The following TMEM74 variants were observed in gnomAD, a reference collection of about 807,000 sequenced individuals.
TMEM74 encodes transmembrane protein 74.
A neutral mutation model predicts 18.1 loss-of-function variants in TMEM74; 13 were observed. The observed-to-expected ratio is 0.72, with a 90% CI of 0.47 to 1.14. The LOEUF (loss-of-function observed/expected upper bound fraction) is 1.14, where lower values mean the gene tolerates loss of function less well. TMEM74 is among the 50% of genes most tolerant of loss of function. The pLI, the probability that TMEM74 is intolerant of heterozygous loss-of-function variation, is 0.00. For missense variants in TMEM74, 372 were observed against 375.9 expected (o/e 0.99, Z 0.09); for synonymous variants, 159 against 146.6 (o/e 1.08, Z -0.61).
chr8:108,640,263 G>A (rs3019394), intron 2 of TMEM74, among the ~76,000 whole-genome samples: 33,067 of 151,154 alleles, frequency 0.22, 3,641 homozygotes, highest in East Asian at 0.28. Context: ...CTCCTGAGTA[G>A]CTGGGATTAC....
intron 1 of TMEM74, among the ~76,000 whole-genome samples, chr8:108,695,699 G>A (rs565557018): frequency 4.6e-5 from 7 of 152,206 alleles, no homozygotes; most frequent in South Asian, 2.1e-4. Context: ...TTTGTGTATA[G>A]TGAAGTTTTC....
At chr8:108,684,780 T>C (rs1005344250) in intron 1 of TMEM74, among the ~76,000 whole-genome samples, 1 of 151,772 alleles carries the variant, frequency 6.6e-6, no homozygotes. Flanking sequence ...CGGGGGGTTC[T>C]AAATTCATTC....
chr8:108,716,380 A>G (rs1813523113), intron 1 of TMEM74, among the ~76,000 whole-genome samples: 1 of 152,096 alleles, frequency 6.6e-6, no homozygotes, highest in Admixed American at 6.5e-5. Context: ...CTCTTTCATC[A>G]CCTACAAAAG....
chr8:108,770,548 T>C (rs1814159991), intron 1 of TMEM74, among the ~76,000 whole-genome samples: 1 of 152,142 alleles, frequency 6.6e-6, no homozygotes, highest in South Asian at 2.1e-4. Context: ...AAATTATTCA[T>C]GGTAGCTATT....
downstream of TMEM74, among the ~76,000 whole-genome samples, chr8:108,774,927 C>G (rs1316774505): frequency 6.6e-6 from 1 of 151,932 alleles, no homozygotes; most frequent in Non-Finnish European, 1.5e-5. Context: ...CACAAAGACT[C>G]AACTCCCAAG....
At chr8:108,746,252 T>C (rs1813847474) in intron 1 of TMEM74, among the ~76,000 whole-genome samples, 1 of 152,128 alleles carries the variant, frequency 6.6e-6, no homozygotes, top group African/African-American at 2.4e-5. Context: ...GCATTTCCCA[T>C]CCAGAGAGAT....
intron 1 of TMEM74, among the ~76,000 whole-genome samples, chr8:108,742,976 A>G (rs975818009): frequency 6.6e-6 from 1 of 152,222 alleles, no homozygotes; most frequent in Non-Finnish European, 1.5e-5. Context: ...AAACAACTTG[A>G]AGACGATTTT....
chr8:108,608,556 A>G (rs1380334899), intron 3 of TMEM74, among the ~76,000 whole-genome samples: 1 of 152,212 alleles, frequency 6.6e-6, no homozygotes, highest in Non-Finnish European at 1.5e-5. Context: ...GTTTCTATGC[A>G]AATAGAATTG....
intron 1 of TMEM74, among the ~76,000 whole-genome samples, chr8:108,726,757 G>A (rs1813642786): frequency 1.3e-5 from 2 of 151,892 alleles, no homozygotes; most frequent in Non-Finnish European, 2.9e-5. Flanking sequence ...ATAGACAAAC[G>A]ACCATGTCCT....
At chr8:108,756,606 G>A (rs1563543633) in intron 1 of TMEM74, among the ~76,000 whole-genome samples, 4 of 60,258 alleles carry the variant, frequency 6.6e-5, no homozygotes, top group African/African-American at 3.6e-4. Context: ...GAGAAAGGAA[G>A]GAAGGAAGGA....
intron 1 of TMEM74, among the ~76,000 whole-genome samples, chr8:108,697,952 C>CACCCTTTA (rs1813296920): frequency 2.0e-5 from 3 of 152,136 alleles, no homozygotes; most frequent in Non-Finnish European, 4.4e-5. Flanking sequence ...CTCAAGATGA[C>CACCCTTTA]CTACTACTGA....
chr8:108,686,369 T>A (rs982249279), intron 1 of TMEM74, among the ~76,000 whole-genome samples: 1 of 151,980 alleles, frequency 6.6e-6, no homozygotes, highest in East Asian at 1.9e-4. Context: ...CGGCTAATTT[T>A]TTTTTTGTAT....
rs866864484 is a variant in TMEM74, at chr8:108,716,266, T to C, written n.120-60829A>G. Among the ~76,000 whole-genome samples, 9 of 152,118 alleles carry C rather than the reference T, an allele frequency of 5.9e-5. No individual in the cohort carries two copies. In the South Asian group the frequency reaches 1.9e-3, roughly 31 times the overall value. On this transcript the variant is annotated intron_variant and non_coding_transcript_variant, in intron 1 of 3. Coordinates refer to the TMEM74 transcript ENST00000518838. ...TCAAAATATGCAATATGTTCCATGA[T>C]GTAAAAAGTTACATAGGATATATTC...
chr8:108,618,135 G>A (rs954672322), intron 2 of TMEM74, among the ~76,000 whole-genome samples: 1 of 152,110 alleles, frequency 6.6e-6, no homozygotes, highest in Non-Finnish European at 1.5e-5. Flanking sequence ...GCAACTTAAA[G>A]CCTTTTATGC....
At chr8:108,736,718 C>G (rs1191942142) in intron 1 of TMEM74, among the ~76,000 whole-genome samples, 1 of 152,064 alleles carries the variant, frequency 6.6e-6, no homozygotes, top group Non-Finnish European at 1.5e-5. Context: ...ATTAAATAAT[C>G]TTGGAATTTT....
chr8:108,777,814 G>C (rs943322867), downstream of TMEM74, among the ~76,000 whole-genome samples: 49 of 152,128 alleles, frequency 3.2e-4, 1 homozygote, highest in Non-Finnish European at 4.4e-5. Context: ...GATGCTGTGA[G>C]AATTAAATGA....
rs1332328777 is a variant in TMEM74 at position 108,751,220 on chromosome 8, G to T, written n.119+36256C>A. On this transcript the variant is annotated intron_variant and non_coding_transcript_variant, in intron 1 of 3. Coordinates refer to the TMEM74 transcript ENST00000518838. ...TTTGCACAACCTCCCCAACAAAAAA[G>T]ATTCTTTCGGGTTAAAATATTTTGG... 2.6e-5 allele frequency among the ~76,000 whole-genome samples: 4 copies of T among 152,078 alleles called. No individual in the cohort carries two copies. In the East Asian group the frequency reaches 7.7e-4, roughly 29 times the overall value.
At chr8:108,671,672 A>T (rs1401793446) in intron 1 of TMEM74, among the ~76,000 whole-genome samples, 1 of 152,130 alleles carries the variant, frequency 6.6e-6, no homozygotes, top group Non-Finnish European at 1.5e-5. Context: ...GAAGTATGTA[A>T]TTGGTATTTC....
Position 108,711,718 on chromosome 8 carries a change from A to G in TMEM74, n.120-56281T>C, listed in dbSNP as rs950897787. Among the ~76,000 whole-genome samples the G allele has an allele frequency of 7.9e-5, 12 of 152,264 alleles. 1 individual carries two copies. The South Asian group carries it at 1.2e-3, about 16-fold the overall frequency. ...CCTTAGTGTCCTGTTGTGCTCAGTCACTGCCTGGCACCAGCCCATGTAAGA... is the reference window on the plus strand; with the variant it reads ...CCTTAGTGTCCTGTTGTGCTCAGTCGCTGCCTGGCACCAGCCCATGTAAGA... On this transcript the variant is annotated intron_variant and non_coding_transcript_variant, in intron 1 of 3. Transcript: ENST00000518838.
Sources: gnomAD v4.1 joint callset for allele counts (sites outside exome capture counted in the v4.1 genomes callset) on GRCh38, gnomAD v4.1.1 for gene constraint, MANE v1.5 for transcripts, NCBI Gene and HGNC (gene_info 2026-07-23, HGNC 2026-07-21) for gene names.